Variants in ZNF146 observed in about 807,000 individuals in gnomAD.
The protein encoded by ZNF146 is zinc finger protein OZF.
ZNF146 carries 9 observed loss-of-function variants against 22.2 expected under a neutral mutation model. The observed-to-expected ratio is 0.41, with a 90% CI of 0.24 to 0.71. ZNF146 has a LOEUF of 0.71. ZNF146 is among the 30% of genes least tolerant of loss of function. ZNF146 has a pLI of 0.34. For missense variants in ZNF146, 194 were observed against 344.8 expected (o/e 0.56, Z 3.46); for synonymous variants, 108 against 119.2 (o/e 0.91, Z 0.61).
At chr19:36,223,819 T>G (rs115988914) in intron 2 of ZNF146, among the ~76,000 whole-genome samples, 2,212 of 151,970 alleles carry the variant, frequency 0.015, 50 homozygotes, top group African/African-American at 0.05. Context: ...TGATCACAGC[T>G]GACTGCAGCC....
In ZNF146 at chr19:36,237,771, A is replaced by G. The variant is rs1190972760; in HGVS notation, c.*452A>G. On this transcript the variant is annotated 3_prime_UTR_variant, in exon 4 of 4. Transcript: ENST00000443387. ...ATTTCAAAAAAAGACCTATGCATTT[A>G]TTAGAATTTGGAATATGATACAAGT... 13 of 167,348 alleles carry G rather than the reference A, an allele frequency of 7.8e-5. No individual in the cohort carries two copies. The allele number at this position is 167,348 out of a possible 1,614,324, so 10.4% of individuals were successfully genotyped here.
At chr19:36,231,154 G>A (rs1977346367) in intron 3 of ZNF146, among the ~76,000 whole-genome samples, 1 of 152,156 alleles carries the variant, frequency 6.6e-6, no homozygotes. Context: ...CTTGAGGCCA[G>A]GAGTTCGAGA....
intron 2 of ZNF146, 138 bp from the exon 3 acceptor site, chr19:36,228,610 T>C (rs1394936919): frequency 6.6e-6 from 1 of 152,254 alleles, no homozygotes; most frequent in Admixed American, 6.5e-5. Flanking sequence ...CAGAAGGTCA[T>C]TACTTTGTTC....
chr19:36,236,227 G>C lies in ZNF146; in HGVS notation c.-214G>C. 1 of 527,366 alleles carries C rather than the reference G, an allele frequency of 1.9e-6. No homozygotes were observed. 32.7% of individuals were successfully genotyped at this position (527,366 alleles called of 1,614,324 possible). On this transcript the variant is annotated 5_prime_UTR_variant, in exon 4 of 4. Transcript: ENST00000443387. Reference sequence around the variant, plus strand: ...GGTAGCAATACTTCATTGAATATTAGAAAATTTTTCTAGAGAGAAAGCATT... The same window carrying C: ...GGTAGCAATACTTCATTGAATATTACAAAATTTTTCTAGAGAGAAAGCATT...
chr19:36,222,199 C>T (rs538944104), intron 2 of ZNF146, among the ~76,000 whole-genome samples: 1 of 152,262 alleles, frequency 6.6e-6, no homozygotes, highest in East Asian at 1.9e-4. Context: ...GTTGGGATTA[C>T]AAGTGTGAGC....
At chr19:36,226,617 C>T (rs1348258717) in intron 2 of ZNF146, among the ~76,000 whole-genome samples, 3 of 152,066 alleles carry the variant, frequency 2.0e-5, no homozygotes, top group African/African-American at 7.2e-5. Context: ...GGACATGCTT[C>T]CTTTATCTAT....
At chr19:36,220,359 TTAATTTAATTTTATTTTA>T (rs1460307862) in intron 2 of ZNF146, among the ~76,000 whole-genome samples, 3 of 134,648 alleles carry the variant, frequency 2.2e-5, no homozygotes, top group Admixed American at 1.6e-4. Context: ...GTTCTTTTTT[TTAATTTAATTTTATTTTA>T]TTTTTGAGAC....
At chr19:36,223,941 C>T (rs1976969219) in intron 2 of ZNF146, among the ~76,000 whole-genome samples, 2 of 152,026 alleles carry the variant, frequency 1.3e-5, no homozygotes, top group African/African-American at 4.8e-5. Context: ...CCTTGGCTTC[C>T]CAAGTCAGAG....
chr19:36,215,373 A>G (rs1469838328), intron 1 of ZNF146, among the ~76,000 whole-genome samples, 177 bp downstream of exon 1: 4 of 152,004 alleles, frequency 2.6e-5, no homozygotes, highest in Non-Finnish European at 5.9e-5. Flanking sequence ...TTTGTCCTCA[A>G]AGTTTGACCT....
chr19:36,227,059 G>A (rs2310856), intron 2 of ZNF146, among the ~76,000 whole-genome samples: 52,585 of 151,138 alleles, frequency 0.35, 9,545 homozygotes, highest in South Asian at 0.48. Context: ...CTCCAGCCTG[G>A]GCAACAAGAG....
intron 3 of ZNF146, among the ~76,000 whole-genome samples, chr19:36,231,232 C>G (rs1031519074): frequency 6.6e-6 from 1 of 152,000 alleles, no homozygotes; most frequent in African/African-American, 2.4e-5. Context: ...TTTTTTGAGA[C>G]ATAGTTTCAC....
At chr19:36,222,475 G>A (rs796596964) in intron 2 of ZNF146, among the ~76,000 whole-genome samples, 96 of 152,276 alleles carry the variant, frequency 6.3e-4, no homozygotes, top group African/African-American at 2.3e-3. Flanking sequence ...TGCCCAGTGG[G>A]TAAGTACTTA....
At chr19:36,217,365 C>T (rs973525617) in intron 1 of ZNF146, among the ~76,000 whole-genome samples, 1 of 151,508 alleles carries the variant, frequency 6.6e-6, no homozygotes, top group Non-Finnish European at 1.5e-5. Context: ...GCCTGGCCGA[C>T]CCTGTCTTAA....
intron 2 of ZNF146, among the ~76,000 whole-genome samples, chr19:36,219,423 T>A (rs1399672731): frequency 6.6e-6 from 1 of 152,226 alleles, no homozygotes; most frequent in Non-Finnish European, 1.5e-5. Flanking sequence ...CTTTAGAAAG[T>A]CATCATTATC....
At chr19:36,214,740 C>G (rs113671570), upstream of ZNF146, 1,440 of 152,424 alleles carry the variant, frequency 9.4e-3, 19 homozygotes, top group Non-Finnish European at 0.014. Context: ...AGAGCTAGAT[C>G]GGCCACGGAC....
chr19:36,229,091 C>T (rs1188082164), intron 3 of ZNF146, among the ~76,000 whole-genome samples: 1 of 152,182 alleles, frequency 6.6e-6, no homozygotes, highest in East Asian at 1.9e-4. Context: ...TGGCTGTTCT[C>T]CTTCATCCAC....
At chr19:36,231,125 G>A (rs1977345109) in intron 3 of ZNF146, among the ~76,000 whole-genome samples, 1 of 152,184 alleles carries the variant, frequency 6.6e-6, no homozygotes. Context: ...GACTTTGGGA[G>A]GCCAAGGCAG....
rs1977693049 is a variant in ZNF146, at chr19:36,237,630, A to T, written c.*311A>T. ...CACCATAGATCTGGAGATCTTCGCC[A>T]GTAACAAGAAAAATTAAGTTGTAAA... On this transcript the variant is annotated 3_prime_UTR_variant, in exon 4 of 4. Transcript: ENST00000443387. 4.4e-6 allele frequency: 1 copy of T among 227,252 alleles called. No individual in the cohort carries two copies. The highest frequency in any genetic ancestry group is 9.4e-6 in the Non-Finnish European group (1 of 106,744). The allele number at this position is 227,252 out of a possible 1,614,324, so 14.1% of individuals were successfully genotyped here.
intron 2 of ZNF146, among the ~76,000 whole-genome samples, chr19:36,227,203 A>G (rs1406833671): frequency 2.0e-4 from 31 of 151,964 alleles, no homozygotes. Context: ...AGCCTGGCCA[A>G]TGTGGTGAAA....
Sources: gnomAD v4.1 joint callset for allele counts (sites outside exome capture counted in the v4.1 genomes callset) on GRCh38, gnomAD v4.1.1 for gene constraint, MANE v1.5 for transcripts, NCBI Gene and HGNC (gene_info 2026-07-23, HGNC 2026-07-21) for gene names.